Variants in KLF7 observed in about 807,000 individuals in gnomAD.
KLF7 encodes the protein Krueppel-like factor 7.
A neutral mutation model predicts 27.3 loss-of-function variants in KLF7; 2 were observed. The observed-to-expected ratio is 0.07, with a 90% CI of 0.03 to 0.23. The LOEUF (loss-of-function observed/expected upper bound fraction) is 0.23, where lower values mean the gene tolerates loss of function less well. Ranked by LOEUF, KLF7 falls within the 10% of genes least tolerant of loss-of-function variation. KLF7 has a pLI of 1.00. For synonymous variants in KLF7, 165 were observed against 162.4 expected (o/e 1.02, Z -0.12); for missense variants, 221 against 394.1 (o/e 0.56, Z 3.72).
At position 207,077,921 on chromosome 2, in the gene KLF7, TC is replaced by T. The variant is rs2076205712; in HGVS notation, c.*3291del. The T allele has an allele frequency of 6.6e-6, 1 of 152,170 alleles. No homozygotes were observed. Among genetic ancestry groups the T allele is most frequent in the South Asian group, 2.1e-4 (1 of 4,820 alleles). 9.4% of individuals were successfully genotyped at this position (152,170 alleles called of 1,614,324 possible). A position where few individuals can be genotyped will look rare whatever the true frequency, so the allele number is the denominator to read the frequency against. On this transcript the variant is annotated 3_prime_UTR_variant, in exon 4 of 4. Transcript: ENST00000309446. ...CGGGTTTTTCCTTTCAAATTTGGGATCCCCTGGAGGGTTAGGAGGTAACAAC... is the reference window on the plus strand; with the variant it reads ...CGGGTTTTTCCTTTCAAATTTGGGATCCCTGGAGGGTTAGGAGGTAACAAC...
In KLF7 at chr2:207,081,198, T is replaced by A. The variant is rs2076262816; in HGVS notation, c.*15A>T. On this transcript the variant is annotated 3_prime_UTR_variant, in exon 4 of 4. Coordinates refer to ENST00000309446, the MANE Select transcript of KLF7 (RefSeq NM_003709.4). ...ACACTAGCCGATGCCATGGCAACTC[T>A]GGCCTTTCGGTTTTTTAGATATGTC... The A allele has an allele frequency of 6.2e-7, 1 of 1,613,304 alleles. No homozygotes were observed. Among genetic ancestry groups the A allele is most frequent in the African/African-American group, 1.3e-5 (1 of 75,034 alleles).
chr2:207,151,930 T>C (rs1439199640), intron 1 of KLF7, among the ~76,000 whole-genome samples: 1 of 152,022 alleles, frequency 6.6e-6, no homozygotes, highest in East Asian at 1.9e-4. Flanking sequence ...CTAAATGATA[T>C]CCTTAGTAAT....
In KLF7 at chr2:207,155,963, G is replaced by A. The variant is rs1027992093; in HGVS notation, c.102+9504C>T. 5.3e-5 allele frequency among the ~76,000 whole-genome samples: 8 copies of A among 152,158 alleles called. No individual in the cohort carries two copies. The East Asian group carries it at 1.2e-3, about 22-fold the overall frequency. On this transcript the variant is annotated intron_variant, in intron 1 of 3. Transcript: ENST00000309446. ...CACTCCATTGAATTCCTGCTAACTC[G>A]GCTCTGGAAGGTGAATGTGAGAACG... is the stretch of plus-strand genomic sequence containing the variant.
At chr2:207,169,737 TTTG>T (rs1465245716), upstream of KLF7, among the ~76,000 whole-genome samples, 3 of 152,200 alleles carry the variant, frequency 2.0e-5, no homozygotes, top group African/African-American at 7.2e-5. Context: ...TCAAACTTTT[TTTG>T]TTATTATATC....
intron 3 of KLF7, among the ~76,000 whole-genome samples, chr2:207,084,640 T>C (rs2076346416): frequency 6.6e-6 from 1 of 152,212 alleles, no homozygotes; most frequent in African/African-American, 2.4e-5. Flanking sequence ...GATTAACTTA[T>C]ACTTATTAAT....
chr2:207,126,093 C>G (rs1260562341), intron 1 of KLF7, among the ~76,000 whole-genome samples: 1 of 152,156 alleles, frequency 6.6e-6, no homozygotes, highest in Non-Finnish European at 1.5e-5. Flanking sequence ...TCCCACTACT[C>G]TACATTAGAA....
At chr2:207,167,265 A>G (rs1479790100), upstream of KLF7, 6 of 887,114 alleles carry the variant, frequency 6.8e-6, no homozygotes, top group Non-Finnish European at 9.1e-6. Context: ...AACCCTGCAC[A>G]ATTCACGTTA....
intron 1 of KLF7, among the ~76,000 whole-genome samples, chr2:207,157,095 G>A (rs1341157786): frequency 2.0e-5 from 3 of 151,888 alleles, no homozygotes; most frequent in African/African-American, 7.3e-5. Context: ...ACTATCGAGT[G>A]CCCACAGTGT....
intron 1 of KLF7, among the ~76,000 whole-genome samples, chr2:207,147,031 A>G (rs991926821): frequency 6.6e-6 from 1 of 152,198 alleles, no homozygotes. Flanking sequence ...ATTGGGTATA[A>G]ATCCAGTTTC....
rs1270600287 is a variant in KLF7, at chr2:207,123,991, A to G, written c.516T>C (p.Ala172=). ...CCCCTCCCACCTTTACGGAGCTGAG[A>G]GCAGCCTTCTTGGCCACCAGTTTCA... ...VTLKLVAKKA[A]LSSVKVGGVA... Residue 172 remains alanine, a synonymous_variant, in exon 2 of 4, where the codon GCT becomes GCC. Coordinates refer to ENST00000309446, the MANE Select transcript of KLF7 (RefSeq NM_003709.4). 3.1e-6 allele frequency: 5 copies of G among 1,614,004 alleles called. No homozygotes were observed. Among genetic ancestry groups the G allele is most frequent in the South Asian group, 1.1e-5 (1 of 91,082 alleles).
chr2:207,100,777 G>C (rs1434479091), intron 2 of KLF7, among the ~76,000 whole-genome samples: 2 of 152,076 alleles, frequency 1.3e-5, no homozygotes, highest in African/African-American at 4.8e-5. Flanking sequence ...ATCTTTTTAT[G>C]CCTTGATCCC....
rs186918810 is a variant in KLF7 at position 207,127,336 on chromosome 2, C to T, written c.103-2932G>A. ...AATGATTGCTGTCTTAGGAAATACACTTCTTATATCTGCTGGAGATGAAGT... is the reference window on the plus strand; with the variant it reads ...AATGATTGCTGTCTTAGGAAATACATTTCTTATATCTGCTGGAGATGAAGT... On this transcript the variant is annotated intron_variant, in intron 1 of 3. Coordinates refer to ENST00000309446, the MANE Select transcript of KLF7 (RefSeq NM_003709.4). Among the ~76,000 whole-genome samples the T allele has an allele frequency of 3.8e-3, 575 of 152,270 alleles. 4 individuals carry two copies. Among genetic ancestry groups the T allele is most frequent in the Non-Finnish European group, 4.3e-3 (291 of 68,020 alleles).
chr2:207,126,771 C>A (rs546168941), intron 1 of KLF7, among the ~76,000 whole-genome samples: 17 of 151,434 alleles, frequency 1.1e-4, no homozygotes, highest in Non-Finnish European at 1.9e-4. Flanking sequence ...CCACTGCACT[C>A]CAGCCCTCTG....
chr2:207,141,189 G>A (rs917392554), intron 1 of KLF7, among the ~76,000 whole-genome samples: 4 of 152,132 alleles, frequency 2.6e-5, no homozygotes, highest in African/African-American at 9.7e-5. Context: ...GGGAACCAGG[G>A]TATGAGGAAA....
chr2:207,074,494 A>C lies in KLF7; in HGVS notation c.*6719T>G, dbSNP rs561668484. 6.6e-5 allele frequency: 10 copies of C among 152,034 alleles called. No homozygotes were observed. The highest frequency in any genetic ancestry group is 1.5e-4 in the Non-Finnish European group (10 of 68,026). The allele number at this position is 152,034 out of a possible 1,614,324, so 9.4% of individuals were successfully genotyped here. On this transcript the variant is annotated 3_prime_UTR_variant, in exon 4 of 4. Transcript: ENST00000309446. Reference sequence around the variant, plus strand: ...CATCTCCCTCTCTTCTCTGGGTCTGAAGCTGCTTGTATTTCCATCTAGTTT... The same window carrying C: ...CATCTCCCTCTCTTCTCTGGGTCTGCAGCTGCTTGTATTTCCATCTAGTTT...
intron 2 of KLF7, among the ~76,000 whole-genome samples, chr2:207,101,428 G>A (rs920604524): frequency 6.6e-6 from 1 of 152,170 alleles, no homozygotes; most frequent in African/African-American, 2.4e-5. Context: ...AGGTGTCCCA[G>A]AGATGATCAG....
rs1025985375 is a variant in KLF7 at position 207,076,638 on chromosome 2, T to C, written c.*4575A>G. 8 of 152,294 alleles carry C rather than the reference T, an allele frequency of 5.3e-5. No homozygotes were observed. The highest frequency in any genetic ancestry group is 1.9e-4 in the African/African-American group (8 of 41,562). The allele number at this position is 152,294 out of a possible 1,614,324, so 9.4% of individuals were successfully genotyped here. ...AGAAGTTTCTGCTTCCTTTCACACA[T>C]TTCTGTTGTTCCATCTCAAGTATTC... is the stretch of plus-strand genomic sequence containing the variant. On this transcript the variant is annotated 3_prime_UTR_variant, in exon 4 of 4. Transcript: ENST00000309446.
At chr2:207,088,013 T>C (rs988614989) in intron 3 of KLF7, among the ~76,000 whole-genome samples, 1 of 152,172 alleles carries the variant, frequency 6.6e-6, no homozygotes, top group Non-Finnish European at 1.5e-5. Flanking sequence ...AGAAAAGCCT[T>C]ATAGTGATAG....
At chr2:207,118,498 C>T (rs1050914859) in intron 2 of KLF7, among the ~76,000 whole-genome samples, 2 of 152,126 alleles carry the variant, frequency 1.3e-5, no homozygotes, top group African/African-American at 4.8e-5. Flanking sequence ...CTCTTAATAA[C>T]AGGTTACTTT....
Sources: gnomAD v4.1 joint callset for allele counts (sites outside exome capture counted in the v4.1 genomes callset) on GRCh38, gnomAD v4.1.1 for gene constraint, MANE v1.5 for transcripts, NCBI Gene and HGNC (gene_info 2026-07-23, HGNC 2026-07-21) for gene names.